Variants in SPRR4 observed in about 807,000 individuals in gnomAD.
SPRR4 encodes small proline-rich protein 4.
For missense variants in SPRR4, 106 were observed against 91.6 expected (o/e 1.16, Z -0.64); for synonymous variants, 30 against 34.3 (o/e 0.87, Z 0.44).
At chr1:152,969,735 T>G (rs1386684520), upstream of SPRR4, among the ~76,000 whole-genome samples, 1 of 152,228 alleles carries the variant, frequency 6.6e-6, no homozygotes, top group Non-Finnish European at 1.5e-5. Context: ...AATTTTTGAG[T>G]ATGTTTCCTG....
Position 152,971,970 on chromosome 1 carries a change from G to T in SPRR4, c.80G>T (p.Cys27Phe). ...RAQQQQVKQP[C>F]QPPPVKCQET... ...CAGCAGCAGCAAGTGAAGCAGCCTT[G>T]TCAGCCACCCCCTGTTAAATGTCAA... Residue 27 changes from cysteine (C) to phenylalanine (F), a missense_variant, in exon 2 of 2, where the codon TGT becomes TTT. By Grantham distance (205) the Cys-to-Phe change is radical. Coordinates refer to ENST00000328051, the MANE Select transcript of SPRR4 (RefSeq NM_173080.3). 3 of 1,614,016 alleles carry T rather than the reference G, an allele frequency of 1.9e-6. No homozygotes were observed. Among genetic ancestry groups the T allele is most frequent in the Non-Finnish European group, 2.5e-6 (3 of 1,180,008 alleles).
intron 1 of SPRR4, among the ~76,000 whole-genome samples, chr1:152,971,201 T>C (rs1651832637): frequency 6.6e-6 from 1 of 152,110 alleles, no homozygotes; most frequent in African/African-American, 2.4e-5. Flanking sequence ...TAAGGAACAC[T>C]GCCTACAAAG....
At chr1:152,969,926 G>A (rs370021628), upstream of SPRR4, among the ~76,000 whole-genome samples, 8 of 152,112 alleles carry the variant, frequency 5.3e-5, no homozygotes, top group Non-Finnish European at 1.0e-4. Flanking sequence ...GGACAGCACC[G>A]CCGTGTGCTG....
At chr1:152,971,667 C>T (rs982649582) in intron 1 of SPRR4, among the ~76,000 whole-genome samples, 1 of 151,942 alleles carries the variant, frequency 6.6e-6, no homozygotes, top group Admixed American at 6.6e-5. Context: ...TTTGTCCTCT[C>T]CTCATGCCCC....
At position 152,972,213 on chromosome 1, in the gene SPRR4, T is replaced by C. The variant is rs2101551199; in HGVS notation, c.*83T>C. 6.4e-7 allele frequency: 1 copy of C among 1,567,356 alleles called. No homozygotes were observed. Among genetic ancestry groups the C allele is most frequent in the East Asian group, 2.3e-5 (1 of 43,332 alleles). Reference sequence around the variant, plus strand: ...TCTTCCTTCTCCTCTTCCCTCCAGCTCTTGAGCCTACCCTCCTCTCACATC... The same window carrying C: ...TCTTCCTTCTCCTCTTCCCTCCAGCCCTTGAGCCTACCCTCCTCTCACATC... On this transcript the variant is annotated 3_prime_UTR_variant, in exon 2 of 2. Coordinates refer to ENST00000328051, the MANE Select transcript of SPRR4 (RefSeq NM_173080.3).
In SPRR4 at chr1:152,971,979, C is replaced by T; in HGVS notation, c.89C>T (p.Pro30Leu). The change falls in exon 2 of 2, where the codon CCC (proline) becomes CTC (leucine). Residue 30 changes from proline to leucine, a missense_variant. Coordinates refer to ENST00000328051, the MANE Select transcript of SPRR4 (RefSeq NM_173080.3). ...QQQVKQPCQP[P>L]PVKCQETCAP... The stretch of plus-strand genomic sequence containing the variant: ...CAAGTGAAGCAGCCTTGTCAGCCAC[C>T]CCCTGTTAAATGTCAAGAGACATGT... 1 of 1,614,046 alleles carries T rather than the reference C, an allele frequency of 6.2e-7. No homozygotes were observed. The highest frequency in any genetic ancestry group is 8.5e-7 in the Non-Finnish European group (1 of 1,180,010).
intron 1 of SPRR4, among the ~76,000 whole-genome samples, chr1:152,971,366 C>A (rs1052596188): frequency 4.6e-5 from 7 of 152,192 alleles, no homozygotes; most frequent in African/African-American, 1.7e-4. Flanking sequence ...TCTTGGCTAG[C>A]GCTCTTTCCT....
At chr1:152,970,464 T>G (rs143524125), upstream of SPRR4, among the ~76,000 whole-genome samples, 24 of 152,268 alleles carry the variant, frequency 1.6e-4, no homozygotes, top group African/African-American at 5.5e-4. Context: ...GTGCAGAGAC[T>G]TGGAATGCTG....
intron 1 of SPRR4, among the ~76,000 whole-genome samples, chr1:152,971,539 C>T (rs531755384): frequency 3.4e-4 from 52 of 151,646 alleles, no homozygotes; most frequent in Non-Finnish European, 6.3e-4. Context: ...AGAGATCAGG[C>T]CTCTGCATTC....
chr1:152,971,799 C>CT, intron 1 of SPRR4, 72 bp from the exon 2 acceptor site: 1 of 1,543,172 alleles, frequency 6.5e-7, no homozygotes. Context: ...TTTTAACCAT[C>CT]TTTTTAAAAA....
intron 1 of SPRR4, among the ~76,000 whole-genome samples, chr1:152,971,576 T>TCACA (rs1315419133): frequency 1.8e-5 from 2 of 112,128 alleles, no homozygotes; most frequent in African/African-American, 6.8e-5. Flanking sequence ...CAGCCCGATC[T>TCACA]CTCACACACA....
At chr1:152,971,759 G>A (rs1651854268) in intron 1 of SPRR4, 112 bp from the exon 2 acceptor site, 2 of 1,385,924 alleles carry the variant, frequency 1.4e-6, no homozygotes, top group African/African-American at 2.9e-5. Flanking sequence ...AAGATGGCAT[G>A]CTTTGACCTT....
At chr1:152,969,873 C>G (rs1268712700), upstream of SPRR4, among the ~76,000 whole-genome samples, 2 of 152,180 alleles carry the variant, frequency 1.3e-5, no homozygotes, top group African/African-American at 4.8e-5. Context: ...TCTGTAACCA[C>G]CACGAATACT....
At position 152,972,360 on chromosome 1, in the gene SPRR4, G is replaced by GA. The variant is rs1651878354; in HGVS notation, c.*231dup. ...GATGCTCTCCCAGGTGGGTGTGAGA[G>GA]AGACCTCATTCTCTGCAGGCTCCAG... On this transcript the variant is annotated 3_prime_UTR_variant, in exon 2 of 2. Coordinates refer to ENST00000328051, the MANE Select transcript of SPRR4 (RefSeq NM_173080.3). The GA allele has an allele frequency of 3.1e-6, 2 of 653,836 alleles. No individual in the cohort carries two copies. The highest frequency in any genetic ancestry group is 3.9e-5 in the South Asian group (2 of 50,670). The allele number at this position is 653,836 out of a possible 1,614,324, so 40.5% of individuals were successfully genotyped here. A position where few individuals can be genotyped will look rare whatever the true frequency, so the allele number is the denominator to read the frequency against.
upstream of SPRR4, among the ~76,000 whole-genome samples, chr1:152,969,722 AG>A (rs1320089278): frequency 6.6e-6 from 1 of 152,222 alleles, no homozygotes; most frequent in African/African-American, 2.4e-5. Context: ...ATGAACTACA[AG>A]TAATTTTTGA....
At chr1:152,969,215 A>G (rs917904109), upstream of SPRR4, among the ~76,000 whole-genome samples, 19 of 152,160 alleles carry the variant, frequency 1.2e-4, no homozygotes, top group African/African-American at 4.6e-4. Flanking sequence ...TCCCCACCCA[A>G]TGACAGTGAC....
chr1:152,971,250 G>A (rs926928851), intron 1 of SPRR4, among the ~76,000 whole-genome samples: 2 of 152,098 alleles, frequency 1.3e-5, no homozygotes, highest in African/African-American at 4.8e-5. Flanking sequence ...AAGGCTTCAG[G>A]GAACTTCCTG....
upstream of SPRR4, among the ~76,000 whole-genome samples, chr1:152,969,796 C>T (rs1651778386): frequency 6.6e-6 from 1 of 152,172 alleles, no homozygotes; most frequent in Non-Finnish European, 1.5e-5. Flanking sequence ...ATCTGAGATT[C>T]AAATTTAACT....
chr1:152,969,609 T>C (rs1651772384), upstream of SPRR4, among the ~76,000 whole-genome samples: 1 of 152,160 alleles, frequency 6.6e-6, no homozygotes. Flanking sequence ...GGAGGCTAAA[T>C]GGAGGACCAG....
Sources: gnomAD v4.1 joint callset for allele counts (sites outside exome capture counted in the v4.1 genomes callset) on GRCh38, gnomAD v4.1.1 for gene constraint, MANE v1.5 for transcripts, NCBI Gene and HGNC (gene_info 2026-07-23, HGNC 2026-07-21) for gene names.